Variants in SLC16A12 observed in about 807,000 individuals in gnomAD.
SLC16A12 encodes solute carrier family 16 member 12, also known as monocarboxylate transporter 12.
In SLC16A12, 17 loss-of-function variants were observed where a neutral mutation model predicts 42.4. That is an observed-to-expected ratio of 0.40 (90% CI 0.27 to 0.60). The LOEUF (loss-of-function observed/expected upper bound fraction) is 0.60, where lower values mean the gene tolerates loss of function less well. SLC16A12 is among the 20% of genes least tolerant of loss of function. SLC16A12 has a pLI of 0.42. For synonymous variants in SLC16A12, 224 were observed against 229.4 expected, an observed-to-expected ratio of 0.98 and a Z score of 0.21; for missense variants, 544 against 623.0, an observed-to-expected ratio of 0.87 and a Z score of 1.35.
At chr10:89,520,141 C>T (rs951619013) in intron 2 of SLC16A12, among the ~76,000 whole-genome samples, 5 of 151,834 alleles carry the variant, frequency 3.3e-5, no homozygotes, top group South Asian at 4.2e-4. Flanking sequence ...AAGAGAAAAA[C>T]GCATATTTCT....
At chr10:89,476,286 G>C (rs1443514343) in intron 2 of SLC16A12, among the ~76,000 whole-genome samples, 2 of 152,160 alleles carry the variant, frequency 1.3e-5, no homozygotes, top group Non-Finnish European at 2.9e-5. Flanking sequence ...TGAGAACAGT[G>C]CTGCTCTCCA....
At chr10:89,554,091 A>AGAAAGAAGGAAGGAAGGAAGGAAG (rs1843790714) in intron 2 of SLC16A12, among the ~76,000 whole-genome samples, 3 of 25,052 alleles carry the variant, frequency 1.2e-4, no homozygotes, top group African/African-American at 4.7e-4. Flanking sequence ...AAAGAAAGAA[A>AGAAAGAAGGAAGGAAGGAAGGAAG]GAAAGAAAGA....
At chr10:89,472,023 G>A (rs879806164) in intron 2 of SLC16A12, among the ~76,000 whole-genome samples, 17 of 152,094 alleles carry the variant, frequency 1.1e-4, no homozygotes, top group Non-Finnish European at 2.4e-4. Context: ...CTAGATACAA[G>A]TTATTTGTGG....
At chr10:89,459,327 AC>A (rs913630467) in intron 3 of SLC16A12, among the ~76,000 whole-genome samples, 10 of 151,654 alleles carry the variant, frequency 6.6e-5, no homozygotes, top group Non-Finnish European at 1.3e-4. Flanking sequence ...AAAAAAAAAA[AC>A]CCATGTCTTA....
At chr10:89,555,215 T>C (rs1462547993) in intron 2 of SLC16A12, among the ~76,000 whole-genome samples, 1 of 151,896 alleles carries the variant, frequency 6.6e-6, no homozygotes, top group Non-Finnish European at 1.5e-5. Context: ...GCTATATTGC[T>C]GAGGCTGAAC....
chr10:89,456,766 T>C (rs1192396996), intron 3 of SLC16A12, among the ~76,000 whole-genome samples: 1 of 152,176 alleles, frequency 6.6e-6, no homozygotes, highest in East Asian at 1.9e-4. Flanking sequence ...GTGTTCTCAT[T>C]GTTCAGCTTC....
chr10:89,514,536 A>G (rs1229507330), intron 2 of SLC16A12, among the ~76,000 whole-genome samples: 1 of 152,188 alleles, frequency 6.6e-6, no homozygotes, highest in Non-Finnish European at 1.5e-5. Context: ...GCTTGCTTAC[A>G]TGGCCCTTCT....
At chr10:89,518,338 G>A (rs973453264) in intron 2 of SLC16A12, among the ~76,000 whole-genome samples, 1 of 152,178 alleles carries the variant, frequency 6.6e-6, no homozygotes, top group African/African-American at 2.4e-5. Context: ...CCAGAGCCCA[G>A]CATGCCACAA....
intron 2 of SLC16A12, among the ~76,000 whole-genome samples, chr10:89,511,334 T>C (rs1386514355): frequency 6.6e-6 from 1 of 152,186 alleles, no homozygotes; most frequent in African/African-American, 2.4e-5. Context: ...CCAACCCAAA[T>C]GCCCATCAAT....
intron 2 of SLC16A12, among the ~76,000 whole-genome samples, chr10:89,554,510 A>G (rs1843796443): frequency 1.3e-5 from 2 of 152,218 alleles, no homozygotes; most frequent in Non-Finnish European, 2.9e-5. Context: ...TTTAATATTT[A>G]TCACAATTTG....
At chr10:89,464,700 A>AT (rs1842363468) in intron 2 of SLC16A12, among the ~76,000 whole-genome samples, 1 of 152,250 alleles carries the variant, frequency 6.6e-6, no homozygotes, top group Non-Finnish European at 1.5e-5. Flanking sequence ...ACAGAAATTT[A>AT]TAAGTGTGCA....
chr10:89,527,977 G>C (rs977041466), intron 2 of SLC16A12, among the ~76,000 whole-genome samples: 2 of 152,088 alleles, frequency 1.3e-5, no homozygotes, highest in African/African-American at 4.8e-5. Context: ...CTTTGTTGAA[G>C]TCACATAGGG....
chr10:89,440,531 G>T (rs1464550554), intron 5 of SLC16A12, among the ~76,000 whole-genome samples: 1 of 152,200 alleles, frequency 6.6e-6, no homozygotes. Flanking sequence ...TCCCATTGCA[G>T]TCCCACAATC....
chr10:89,450,614 A>C (rs1395024178), intron 3 of SLC16A12, among the ~76,000 whole-genome samples: 1 of 152,148 alleles, frequency 6.6e-6, no homozygotes, highest in African/African-American at 2.4e-5. Context: ...TCGTGGGGTC[A>C]GGGGATGGGG....
At chr10:89,473,915 G>A (rs929469491) in intron 2 of SLC16A12, among the ~76,000 whole-genome samples, 3 of 152,080 alleles carry the variant, frequency 2.0e-5, no homozygotes, top group Non-Finnish European at 2.9e-5. Flanking sequence ...CAGAAGCCAC[G>A]TTCAGCCCAT....
chr10:89,507,812 G>C (rs1843089909), intron 2 of SLC16A12, among the ~76,000 whole-genome samples: 1 of 152,176 alleles, frequency 6.6e-6, no homozygotes, highest in Non-Finnish European at 1.5e-5. Context: ...AGATCCATCA[G>C]TGCACTGTAT....
rs757393602 is a variant in SLC16A12 at position 89,430,781 on chromosome 10, T to G, written c.*2283A>C. On this transcript the variant is annotated 3_prime_UTR_variant, in exon 8 of 8. Coordinates refer to ENST00000371790, the MANE Select transcript of SLC16A12 (RefSeq NM_213606.4). ...AAAATTTCTGATCACTATGCTTATT[T>G]TTCATAAATACTTGTAATACTTCAC... 4.4e-5 allele frequency: 20 copies of G among 451,298 alleles called. No homozygotes were observed. The highest frequency in any genetic ancestry group is 2.3e-4 in the South Asian group (14 of 61,108). 28.0% of individuals were successfully genotyped at this position (451,298 alleles called of 1,614,324 possible).
chr10:89,511,309 A>T (rs1352264344), intron 2 of SLC16A12, among the ~76,000 whole-genome samples: 1 of 152,252 alleles, frequency 6.6e-6, no homozygotes, highest in Admixed American at 6.5e-5. Context: ...TATTCACAAT[A>T]GCAAAGTCTT....
chr10:89,438,559 T>A, intron 6 of SLC16A12, 45 bp downstream of exon 6: 1 of 1,578,808 alleles, frequency 6.3e-7, no homozygotes, highest in Non-Finnish European at 8.7e-7. Context: ...ACTCAAGGCT[T>A]AAAGTCCCCT....
Sources: gnomAD v4.1 joint callset for allele counts (sites outside exome capture counted in the v4.1 genomes callset) on GRCh38, gnomAD v4.1.1 for gene constraint, MANE v1.5 for transcripts, NCBI Gene and HGNC (gene_info 2026-07-23, HGNC 2026-07-21) for gene names.